Variants in ARMH3 observed in about 807,000 individuals in gnomAD.
ARMH3 encodes the protein armadillo-like helical domain-containing protein 3.
ARMH3 carries 60 observed loss-of-function variants against 99.1 expected under a neutral mutation model. The ratio of observed to expected loss-of-function variants is 0.61; its 90% confidence interval spans 0.49 to 0.75. The LOEUF (loss-of-function observed/expected upper bound fraction) is 0.75, where lower values mean the gene tolerates loss of function less well. Among genes scored for constraint, ARMH3 ranks in the 30% least tolerant of loss-of-function variants. The pLI is 0.00. For synonymous variants in ARMH3, 285 were observed against 292.8 expected, an observed-to-expected ratio of 0.97 and a Z score of 0.27; for missense variants, 679 against 843.1, an observed-to-expected ratio of 0.81 and a Z score of 2.41.
intron 23 of ARMH3, among the ~76,000 whole-genome samples, chr10:101,903,973 T>G (rs2068039241): frequency 6.6e-6 from 1 of 152,154 alleles, no homozygotes. Flanking sequence ...TGGAGGCAGG[T>G]CTTTCAGGCT....
At chr10:102,023,104 T>C (rs2066922658) in intron 8 of ARMH3, among the ~76,000 whole-genome samples, 1 of 151,866 alleles carries the variant, frequency 6.6e-6, no homozygotes, top group African/African-American at 2.4e-5. Flanking sequence ...GGAGAATTGC[T>C]TGAAGCCGGG....
chr10:101,928,705 T>G (rs1004923258), intron 23 of ARMH3, among the ~76,000 whole-genome samples: 3 of 152,118 alleles, frequency 2.0e-5, no homozygotes, highest in African/African-American at 4.8e-5. Flanking sequence ...TACAATACAA[T>G]AAGATATTTT....
At chr10:101,965,173 T>C (rs1019804406) in intron 20 of ARMH3, among the ~76,000 whole-genome samples, 5 of 152,220 alleles carry the variant, frequency 3.3e-5, no homozygotes, top group African/African-American at 1.2e-4. Context: ...ATAAATTTTA[T>C]GTTTATTTTA....
chr10:101,923,355 A>G (rs1056238851), intron 23 of ARMH3, among the ~76,000 whole-genome samples: 3 of 152,244 alleles, frequency 2.0e-5, no homozygotes, highest in African/African-American at 7.2e-5. Flanking sequence ...AATCTACTGG[A>G]GCTAAAAAAT....
chr10:101,884,179 G>A (rs548985805), intron 24 of ARMH3, among the ~76,000 whole-genome samples: 6 of 152,294 alleles, frequency 3.9e-5, no homozygotes, highest in Admixed American at 2.6e-4. Context: ...ACAACTGGAA[G>A]CAGAGAGAAA....
At chr10:101,901,358 C>A (rs1335375404) in intron 23 of ARMH3, among the ~76,000 whole-genome samples, 2 of 151,930 alleles carry the variant, frequency 1.3e-5, no homozygotes, top group Non-Finnish European at 2.9e-5. Flanking sequence ...CCCAGGGGGA[C>A]CTTTTAGAAC....
intron 12 of ARMH3, 22 bp from the exon 13 acceptor site, chr10:102,009,471 T>C (rs1407420774): frequency 6.9e-6 from 11 of 1,599,832 alleles, no homozygotes; most frequent in Non-Finnish European, 9.4e-6. Context: ...GAGAACAAAT[T>C]GGAGCAGTTT....
intron 2 of ARMH3, among the ~76,000 whole-genome samples, chr10:102,035,812 T>C (rs973976282): frequency 6.6e-6 from 1 of 152,172 alleles, no homozygotes; most frequent in Non-Finnish European, 1.5e-5. Context: ...TTGCAGCCTC[T>C]GCCCGGCCGC....
chr10:101,938,835 G>A (rs1844112305), intron 23 of ARMH3, among the ~76,000 whole-genome samples: 1 of 152,216 alleles, frequency 6.6e-6, no homozygotes, highest in Non-Finnish European at 1.5e-5. Context: ...AGGTAAGGCA[G>A]ACCAACCTTC....
At chr10:101,852,076 A>ACC (rs1286340110) in intron 24 of ARMH3, among the ~76,000 whole-genome samples, 1 of 152,252 alleles carries the variant, frequency 6.6e-6, no homozygotes, top group East Asian at 1.9e-4. Context: ...AGAATAGAGT[A>ACC]ATACATGTTT....
chr10:101,864,713 T>C (rs1315463107), intron 24 of ARMH3, among the ~76,000 whole-genome samples: 1 of 151,946 alleles, frequency 6.6e-6, no homozygotes, highest in Non-Finnish European at 1.5e-5. Context: ...TGGACACAGG[T>C]TGGGGAACAT....
intron 23 of ARMH3, among the ~76,000 whole-genome samples, chr10:101,916,944 T>A (rs1843112977): frequency 1.3e-5 from 2 of 152,164 alleles, no homozygotes; most frequent in Admixed American, 1.3e-4. Flanking sequence ...GGACTTACAC[T>A]AGTACCACCC....
chr10:102,036,112 A>G (rs2067253100), intron 2 of ARMH3, among the ~76,000 whole-genome samples: 1 of 108,922 alleles, frequency 9.2e-6, no homozygotes, highest in South Asian at 3.2e-4. Context: ...TCTGGGAGGG[A>G]GGTGGGGGGC....
intron 24 of ARMH3, among the ~76,000 whole-genome samples, chr10:101,872,580 C>T (rs2067156706): frequency 6.6e-6 from 1 of 151,930 alleles, no homozygotes. Flanking sequence ...ACCTGTGGAC[C>T]CAGCTAACTC....
chr10:102,039,334 G>A (rs1433889334), intron 2 of ARMH3, among the ~76,000 whole-genome samples: 2 of 152,022 alleles, frequency 1.3e-5, no homozygotes, highest in Admixed American at 6.6e-5. Context: ...TAGTAGAAAC[G>A]GGGTTTCACC....
intron 23 of ARMH3, among the ~76,000 whole-genome samples, chr10:101,891,883 C>A (rs1026325444): frequency 2.6e-5 from 4 of 152,020 alleles, no homozygotes; most frequent in Non-Finnish European, 4.4e-5. Context: ...CTAAGGTGAG[C>A]GGATCACTTG....
intron 23 of ARMH3, among the ~76,000 whole-genome samples, chr10:101,894,575 GGA>G (rs1170557144): frequency 6.6e-6 from 1 of 152,182 alleles, no homozygotes. Flanking sequence ...GCTCTTGGCG[GGA>G]GAAAGATAAG....
At chr10:101,867,152 T>C (rs2067023408) in intron 24 of ARMH3, among the ~76,000 whole-genome samples, 1 of 152,144 alleles carries the variant, frequency 6.6e-6, no homozygotes, top group African/African-American at 2.4e-5. Flanking sequence ...AAACACCTAG[T>C]TTTTATCTTG....
rs534276396 is a variant in ARMH3, at chr10:102,029,890, T to C, written c.307-145A>G. 7 of 903,354 alleles carry C rather than the reference T, an allele frequency of 7.7e-6. No homozygotes were observed. The African/African-American group carries it at 8.4e-5, about 11-fold the overall frequency. The allele number at this position is 903,354 out of a possible 1,614,324, so 56.0% of individuals were successfully genotyped here. A position where few individuals can be genotyped will look rare whatever the true frequency, so the allele number is the denominator to read the frequency against. Reference sequence around the variant, plus strand: ...GCTCCAAAACACAGTCTGAGTTTTTTTGGTTTTTTCCGTTTGGTTCGGTTT... The same window carrying C: ...GCTCCAAAACACAGTCTGAGTTTTTCTGGTTTTTTCCGTTTGGTTCGGTTT... On this transcript the variant is annotated intron_variant, in intron 4 of 25. Coordinates refer to ENST00000370033, the MANE Select transcript of ARMH3 (RefSeq NM_024541.3).
Sources: gnomAD v4.1 joint callset for allele counts (sites outside exome capture counted in the v4.1 genomes callset) on GRCh38, gnomAD v4.1.1 for gene constraint, MANE v1.5 for transcripts, NCBI Gene and HGNC (gene_info 2026-07-23, HGNC 2026-07-21) for gene names.